PCDHA13: variants seen among roughly 807,000 people sequenced by gnomAD.
PCDHA13 encodes protocadherin alpha-13.
In PCDHA13, 54 loss-of-function variants were observed where a neutral mutation model predicts 64.8. The observed-to-expected ratio is 0.83, with a 90% confidence interval of 0.67 to 1.04. The LOEUF (loss-of-function observed/expected upper bound fraction) is 1.04. Ranked by LOEUF, PCDHA13 falls within the 50% of genes least tolerant of loss-of-function variation. The probability of loss-of-function intolerance (pLI) is 0.00; values close to 1 mark genes in which losing one functional copy is unlikely to be tolerated. For synonymous variants in PCDHA13, 587 were observed against 564.4 expected, an observed-to-expected ratio of 1.04 and a Z score of -0.57; for missense variants, 1,248 against 1,254.3, an observed-to-expected ratio of 0.99 and a Z score of 0.08.
chr5:140,966,109 C>G (rs373588380), intron 1 of PCDHA13: 47 of 156,394 alleles, frequency 3.0e-4, no homozygotes, highest in African/African-American at 1.1e-3. Context: ...GCCTGGGTGC[C>G]CATACTTAGC....
chr5:140,992,116 T>A (rs1279382326), intron 3 of PCDHA13, among the ~76,000 whole-genome samples: 1 of 151,688 alleles, frequency 6.6e-6, no homozygotes, highest in Non-Finnish European at 1.5e-5. Context: ...AGATGTGTCA[T>A]GGAAGAACAG....
At chr5:140,964,840 C>G (rs1270845085) in intron 1 of PCDHA13, among the ~76,000 whole-genome samples, 1 of 152,152 alleles carries the variant, frequency 6.6e-6, no homozygotes, top group Non-Finnish European at 1.5e-5. Flanking sequence ...GCTTCCTACT[C>G]TGTACCCTTG....
intron 1 of PCDHA13, among the ~76,000 whole-genome samples, chr5:140,961,059 G>A (rs2095587077): frequency 6.6e-6 from 1 of 152,076 alleles, no homozygotes; most frequent in African/African-American, 2.4e-5. Flanking sequence ...AATGTTGAAT[G>A]GGATATCTGG....
intron 1 of PCDHA13, chr5:140,927,907 G>A (rs1179807732): frequency 4.9e-5 from 79 of 1,614,038 alleles, no homozygotes; most frequent in Non-Finnish European, 6.6e-5. Flanking sequence ...TCATGCCCCC[G>A]AACTGGACTT....
Position 140,884,069 on chromosome 5 carries a change from T to A in PCDHA13, c.1801T>A (p.Ser601Thr), listed in dbSNP as rs2059977023. Residue 601 changes from serine to threonine, a missense_variant, in exon 1 of 4, where the codon TCG (serine) becomes ACG (threonine). Transcript: ENST00000289272. ...GAAGGTGCGCGCGGTGGACGCCGATTCGGGCTACAATGCGTGGCTTTCGTA... is the reference window on the plus strand; with the variant it reads ...GAAGGTGCGCGCGGTGGACGCCGATACGGGCTACAATGCGTGGCTTTCGTA... ...VAKVRAVDAD[S>T]GYNAWLSYEL... is the part of the protein sequence containing the mutation. 1 of 1,613,394 alleles carries A rather than the reference T, an allele frequency of 6.2e-7. No individual in the cohort carries two copies. Among genetic ancestry groups the A allele is most frequent in the Non-Finnish European group, 8.5e-7 (1 of 1,179,750 alleles).
intron 3 of PCDHA13, among the ~76,000 whole-genome samples, chr5:140,998,721 C>A (rs987484967): frequency 4.6e-5 from 7 of 152,084 alleles, no homozygotes; most frequent in Admixed American, 4.6e-4. Flanking sequence ...TGCACCACCA[C>A]GCTAGGCTAA....
intron 1 of PCDHA13, among the ~76,000 whole-genome samples, chr5:140,957,899 A>G (rs551066654): frequency 3.0e-4 from 46 of 152,226 alleles, no homozygotes; most frequent in African/African-American, 1.1e-3. Flanking sequence ...GCATCAACCA[A>G]GGCATATTGT....
At chr5:140,923,423 G>A (rs533295733) in intron 1 of PCDHA13, among the ~76,000 whole-genome samples, 1 of 152,142 alleles carries the variant, frequency 6.6e-6, no homozygotes. Context: ...GGCTACTTGG[G>A]AGGCTGGGGT....
At chr5:140,891,855 C>T (rs1282802499) in intron 1 of PCDHA13, among the ~76,000 whole-genome samples, 1 of 152,156 alleles carries the variant, frequency 6.6e-6, no homozygotes, top group Admixed American at 6.6e-5. Flanking sequence ...GAGCCTGTCC[C>T]TCTCTTATGC....
intron 1 of PCDHA13, among the ~76,000 whole-genome samples, chr5:140,940,057 A>G (rs2092538975): frequency 6.6e-6 from 1 of 152,224 alleles, no homozygotes; most frequent in African/African-American, 2.4e-5. Flanking sequence ...TTCTTAACCA[A>G]ATATAAATAT....
At position 140,883,159 on chromosome 5, in the gene PCDHA13, G is replaced by T. The variant is rs782151764; in HGVS notation, c.891G>T (p.Pro297=). Residue 297 remains proline, a synonymous_variant, in exon 1 of 4, where the codon CCG becomes CCT. Transcript: ENST00000289272. ...TGGTATATGCATTTACCATAAATCCGAACAATGGAGAAATTAGGACAAAAG... is the reference window on the plus strand; with the variant it reads ...TGGTATATGCATTTACCATAAATCCTAACAATGGAGAAATTAGGACAAAAG... ...PAVVYAFTIN[P]NNGEIRTKGK... is the part of the protein sequence containing the mutation. 1.9e-6 allele frequency: 3 copies of T among 1,613,846 alleles called. No homozygotes were observed. The highest frequency in any genetic ancestry group is 1.1e-5 in the South Asian group (1 of 91,024).
rs901766941 is a variant in PCDHA13 at position 140,982,266 on chromosome 5, G to A, written c.2454-209G>A. The A allele has an allele frequency of 6.1e-5, 54 of 879,038 alleles. No homozygotes were observed. In the African/African-American group the frequency reaches 7.6e-4, roughly 12 times the overall value. The allele number at this position is 879,038 out of a possible 1,614,324, so 54.5% of individuals were successfully genotyped here. ...TAAAGATAGAACATGTGTGTTCCTG[G>A]AATAGTATAGCAGGCAATAAGTAAG... On this transcript the variant is annotated intron_variant, in intron 2 of 3. Coordinates refer to ENST00000289272, the MANE Select transcript of PCDHA13 (RefSeq NM_018904.3).
chr5:140,884,791 C>T, intron 1 of PCDHA13, 129 bp downstream of exon 1: 1 of 1,319,574 alleles, frequency 7.6e-7, no homozygotes, highest in Non-Finnish European at 1.0e-6. Context: ...TAGTTGTTAT[C>T]GAATTTAACA....
At chr5:140,937,316 C>T (rs1355509287) in intron 1 of PCDHA13, among the ~76,000 whole-genome samples, 7 of 152,044 alleles carry the variant, frequency 4.6e-5, no homozygotes, top group Admixed American at 3.9e-4. Context: ...GGATTACAGG[C>T]GTGAGCCACC....
chr5:140,954,161 C>G (rs2094990748), intron 1 of PCDHA13, among the ~76,000 whole-genome samples: 1 of 152,200 alleles, frequency 6.6e-6, no homozygotes, highest in African/African-American at 2.4e-5. Context: ...ATATGTACCA[C>G]ATTTTCTTTA....
chr5:140,929,307 C>A, intron 1 of PCDHA13: 1 of 1,570,164 alleles, frequency 6.4e-7, no homozygotes, highest in Non-Finnish European at 8.7e-7. Flanking sequence ...AAGGGGATCA[C>A]GCTAATGTCA....
intron 1 of PCDHA13, among the ~76,000 whole-genome samples, chr5:140,901,191 C>A (rs2153472732): frequency 6.6e-6 from 1 of 152,084 alleles, no homozygotes; most frequent in Non-Finnish European, 1.5e-5. Context: ...GTTTGCTTTT[C>A]TGTGCAGAAG....
At position 141,009,699 on chromosome 5, in the gene PCDHA13, G is replaced by A. The variant is rs1554262287; in HGVS notation, c.2615G>A (p.Gly872Glu). Residue 872 changes from glycine to glutamate, a missense_variant, in exon 4 of 4, where the codon GGA becomes GAA. Gly to Glu is a moderately conservative substitution (Grantham distance 98, BLOSUM62 -2). Transcript: ENST00000289272. ...AGCAACAGCTGGACCTTTAAATACG[G>A]ACCAGGCAACCCCAAACAATCCGGT... Reference protein sequence around the residue: ...VNSNSWTFKYGPGNPKQSGPG... With the variant: ...VNSNSWTFKYEPGNPKQSGPG... 1 of 1,614,030 alleles carries A rather than the reference G, an allele frequency of 6.2e-7. No individual in the cohort carries two copies. The highest frequency in any genetic ancestry group is 8.5e-7 in the Non-Finnish European group (1 of 1,180,010).
chr5:140,884,312 G>A lies in PCDHA13; in HGVS notation c.2044G>A (p.Ala682Thr). ...SGQAPQASSR[A>T]SAGAVGPEAA... ...CCAAGCGCCACAGGCTTCGTCGAGGGCGTCGGCAGGCGCTGTGGGTCCAGA... is the reference window on the plus strand; with the variant it reads ...CCAAGCGCCACAGGCTTCGTCGAGGACGTCGGCAGGCGCTGTGGGTCCAGA... The change falls in exon 1 of 4, where the codon GCG becomes ACG. Residue 682 changes from alanine to threonine, a missense_variant. Physicochemically the swap from Ala to Thr is moderately conservative, Grantham distance 58. Coordinates refer to ENST00000289272, the MANE Select transcript of PCDHA13 (RefSeq NM_018904.3). 1 of 1,613,768 alleles carries A rather than the reference G, an allele frequency of 6.2e-7. No individual in the cohort carries two copies. Among genetic ancestry groups the A allele is most frequent in the Non-Finnish European group, 8.5e-7 (1 of 1,179,852 alleles).
Sources: allele counts gnomAD v4.1 joint callset (sites outside exome capture counted in the v4.1 genomes callset), GRCh38; gene constraint gnomAD v4.1.1; transcripts MANE v1.5; gene names NCBI Gene and HGNC (gene_info 2026-07-23, HGNC 2026-07-21).